The following ITGA11 variants were observed in gnomAD, a reference collection of about 807,000 sequenced individuals.
ITGA11 encodes the protein integrin subunit alpha 11.
ITGA11 carries 97 observed loss-of-function variants against 141.9 expected under a neutral mutation model. The observed-to-expected ratio is 0.68, with a 90% CI of 0.58 to 0.81. The LOEUF (loss-of-function observed/expected upper bound fraction) is 0.81, where lower values mean the gene tolerates loss of function less well. Ranked by LOEUF, ITGA11 falls within the 30% of genes least tolerant of loss-of-function variation. The probability of loss-of-function intolerance (pLI) is 0.00; values close to 1 mark genes in which losing one functional copy is unlikely to be tolerated. For missense variants in ITGA11, 1,387 were observed against 1,559.2 expected (o/e 0.89, Z 1.86); for synonymous variants, 658 against 624.6 (o/e 1.05, Z -0.80).
chr15:68,415,779 A>T (rs564590257), intron 1 of ITGA11, among the ~76,000 whole-genome samples: 1 of 152,354 alleles, frequency 6.6e-6, no homozygotes, highest in South Asian at 2.1e-4. Context: ...GGGAGCCATC[A>T]CTAGGTGAGT....
chr15:68,315,562 TCA>T, intron 22 of ITGA11, 87 bp downstream of exon 22: 1 of 1,090,390 alleles, frequency 9.2e-7, no homozygotes. Context: ...GGCAGCGGAC[TCA>T]GTGTCGGGAG....
Position 68,350,606 on chromosome 15 carries a change from G to A in ITGA11, c.1060+11C>T. 2.5e-6 allele frequency: 4 copies of A among 1,610,748 alleles called. No homozygotes were observed. The highest frequency in any genetic ancestry group is 2.5e-6 in the Non-Finnish European group (3 of 1,178,004). On this transcript the variant is annotated intron_variant, in intron 9 of 29. Coordinates refer to ENST00000315757, the MANE Select transcript of ITGA11 (RefSeq NM_001004439.2). ...GAGAGAGTGGATCCCCTCTTAGCAT[G>A]CATTGCTTACCTTCCAGGCTGAAGA... is the stretch of plus-strand genomic sequence containing the variant.
intron 22 of ITGA11, among the ~76,000 whole-genome samples, chr15:68,314,621 C>A (rs1294213208): frequency 6.6e-6 from 1 of 152,160 alleles, no homozygotes; most frequent in East Asian, 1.9e-4. Flanking sequence ...TTCTCAGACA[C>A]CCCCCACAGC....
intron 20 of ITGA11, among the ~76,000 whole-genome samples, chr15:68,318,449 C>T (rs1893671626): frequency 1.3e-5 from 2 of 152,260 alleles, no homozygotes; most frequent in South Asian, 2.1e-4. Context: ...AGTCCCTGGA[C>T]AGGAGGGGAC....
chr15:68,303,781 T>G lies in ITGA11; in HGVS notation c.3486A>C (p.Ala1162=). 1 of 1,609,918 alleles carries G rather than the reference T, an allele frequency of 6.2e-7. No homozygotes were observed. The highest frequency in any genetic ancestry group is 8.5e-7 in the Non-Finnish European group (1 of 1,177,006). The change falls in exon 29 of 30, where the codon GCA becomes GCC. Residue 1162 remains alanine (A), a synonymous_variant. Coordinates refer to ENST00000315757, the MANE Select transcript of ITGA11 (RefSeq NM_001004439.2). The surrounding 1 kb of genome is among the most constrained non-coding windows in gnomAD (Gnocchi z 5.3). ...CTGCCAGGGCCCTCACCTTCCACAG[T>G]GCCAGGACCAGCAGGGCCAGCAGTA... ...GLLLLALLVL[A]LWKLGFFRSA... is the part of the protein sequence containing the mutation.
rs530182347 is a variant in ITGA11, at chr15:68,401,658, G to A, written c.164+1260C>T. Among the ~76,000 whole-genome samples the A allele has an allele frequency of 5.1e-4, 78 of 152,268 alleles. 2 individuals carry two copies. Among genetic ancestry groups the A allele is most frequent in the Non-Finnish European group, 7.4e-5 (5 of 68,020 alleles). ...ATGAAGTTCAAAACTAACCTATGGA[G>A]ATAGGAGTCAGCATAGTGGGTCCCT... On this transcript the variant is annotated intron_variant, in intron 2 of 29. Transcript: ENST00000315757.
chr15:68,389,902 G>A (rs1200351881), intron 2 of ITGA11, among the ~76,000 whole-genome samples: 1 of 152,200 alleles, frequency 6.6e-6, no homozygotes, highest in Non-Finnish European at 1.5e-5. Flanking sequence ...GGGGACCAAA[G>A]GCTCAGAGAG....
chr15:68,339,812 T>C (rs576648772), intron 10 of ITGA11, among the ~76,000 whole-genome samples, 168 bp from the exon 11 acceptor site: 1 of 152,292 alleles, frequency 6.6e-6, no homozygotes, highest in East Asian at 1.9e-4. Context: ...GGCTTTTGAA[T>C]AAGCCAAGGA....
intron 18 of ITGA11, among the ~76,000 whole-genome samples, chr15:68,323,274 G>T (rs762465310): frequency 2.0e-5 from 3 of 152,120 alleles, no homozygotes; most frequent in African/African-American, 7.2e-5. Flanking sequence ...GGGGCTTTAC[G>T]GCATTCTAGC....
chr15:68,368,301 C>G (rs1052970177), intron 3 of ITGA11, among the ~76,000 whole-genome samples: 1 of 152,172 alleles, frequency 6.6e-6, no homozygotes, highest in African/African-American at 2.4e-5. Flanking sequence ...AGGGCAAAGC[C>G]TAGAATTGCA....
chr15:68,417,957 T>C (rs961688112), intron 1 of ITGA11, among the ~76,000 whole-genome samples: 3 of 152,230 alleles, frequency 2.0e-5, no homozygotes, highest in African/African-American at 7.2e-5. Flanking sequence ...ACTTGGACAC[T>C]GTCTCCTCTC....
chr15:68,311,145 G>C, intron 25 of ITGA11, 65 bp from the exon 26 acceptor site: 1 of 1,384,228 alleles, frequency 7.2e-7, no homozygotes, highest in Non-Finnish European at 1.0e-6. Flanking sequence ...GCAGACGCAG[G>C]ATCCCAGAGA....
chr15:68,335,895 C>T lies in ITGA11; in HGVS notation c.1277-50G>A, dbSNP rs376795523. On this transcript the variant is annotated intron_variant, in intron 11 of 29. Transcript: ENST00000315757. This position sits in a 1 kb window ranked among gnomAD's most constrained non-coding sequence, Gnocchi z 4.9. ...TCTTTGGCACCGTGTCCTCAGCAGGCGTTGCTTGGCCCGGTGCATGGCTTG... is the reference window on the plus strand; with the variant it reads ...TCTTTGGCACCGTGTCCTCAGCAGGTGTTGCTTGGCCCGGTGCATGGCTTG... 106 of 1,581,136 alleles carry T rather than the reference C, an allele frequency of 6.7e-5. No individual in the cohort carries two copies. In the African/African-American group the frequency reaches 1.2e-3, roughly 18 times the overall value.
intron 10 of ITGA11, 50 bp downstream of exon 10, chr15:68,348,780 G>T: frequency 6.7e-7 from 1 of 1,488,170 alleles, no homozygotes; most frequent in Non-Finnish European, 9.2e-7. Context: ...GGAAGAGCAT[G>T]CCCTCGAGAG....
chr15:68,364,965 TCC>T, intron 3 of ITGA11, among the ~76,000 whole-genome samples, 167 bp from the exon 4 acceptor site: 1 of 151,772 alleles, frequency 6.6e-6, no homozygotes, highest in East Asian at 2.0e-4. Context: ...TCTCAGGACA[TCC>T]TCACAACTGC....
At chr15:68,399,309 T>C (rs1457390791) in intron 2 of ITGA11, among the ~76,000 whole-genome samples, 1 of 152,176 alleles carries the variant, frequency 6.6e-6, no homozygotes, top group South Asian at 2.1e-4. Flanking sequence ...ATTATTAAAA[T>C]GCTCCAGAGT....
Position 68,303,532 on chromosome 15 carries a change from T to C in ITGA11, c.3495+240A>G, listed in dbSNP as rs1366103821. 2.0e-5 allele frequency among the ~76,000 whole-genome samples: 3 copies of C among 152,202 alleles called. No individual in the cohort carries two copies. The East Asian group carries it at 5.8e-4, about 29-fold the overall frequency. On this transcript the variant is annotated intron_variant, in intron 29 of 29. Coordinates refer to ENST00000315757, the MANE Select transcript of ITGA11 (RefSeq NM_001004439.2). The surrounding 1 kb of genome is among the most constrained non-coding windows in gnomAD (Gnocchi z 5.3). ...CAGTTGTTTGTACTTGCTTTTTTTT[T>C]TTTTCTCTAATAATAGGAACCTTAG...
At chr15:68,320,769 T>C (rs552196380) in intron 19 of ITGA11, among the ~76,000 whole-genome samples, 1 of 152,360 alleles carries the variant, frequency 6.6e-6, no homozygotes, top group African/African-American at 2.4e-5. Context: ...GGTTAGAATA[T>C]GTGCTCCATT....
intron 2 of ITGA11, among the ~76,000 whole-genome samples, chr15:68,380,164 A>G (rs1595884879): frequency 6.6e-6 from 1 of 152,072 alleles, no homozygotes; most frequent in African/African-American, 2.4e-5. Context: ...CACAACTGGT[A>G]CCCTCATTCT....
Sources: allele counts gnomAD v4.1 joint callset (sites outside exome capture counted in the v4.1 genomes callset), GRCh38; gene constraint gnomAD v4.1.1; non-coding constraint Gnocchi (gnomAD v3.1); transcripts MANE v1.5; gene names NCBI Gene and HGNC (gene_info 2026-07-23, HGNC 2026-07-21).